CAMK2B: variants seen among roughly 807,000 people sequenced by gnomAD.
CAMK2B encodes calcium/calmodulin dependent protein kinase II beta, also known as calcium/calmodulin-dependent protein kinase type II subunit beta.
Under a neutral mutation model 93.7 loss-of-function variants are expected in CAMK2B, and 27 were observed. The observed-to-expected ratio is 0.29, with a 90% CI of 0.21 to 0.40. The LOEUF (loss-of-function observed/expected upper bound fraction) is 0.40. CAMK2B is among the 10% of genes least tolerant of loss of function. The probability of loss-of-function intolerance (pLI) is 1.00; values close to 1 mark genes in which losing one functional copy is unlikely to be tolerated. For missense variants in CAMK2B, 568 were observed against 895.8 expected, an observed-to-expected ratio of 0.63 and a Z score of 4.67; for synonymous variants, 374 against 358.8, an observed-to-expected ratio of 1.04 and a Z score of -0.48.
chr7:44,319,380 T>A (rs1170418211), intron 1 of CAMK2B, among the ~76,000 whole-genome samples: 1 of 152,202 alleles, frequency 6.6e-6, no homozygotes, highest in Non-Finnish European at 1.5e-5. Flanking sequence ...ATAGACTCTT[T>A]AAAGGCCAAT....
intron 4 of CAMK2B, among the ~76,000 whole-genome samples, chr7:44,256,471 T>C (rs1045345045): frequency 2.0e-5 from 3 of 152,232 alleles, no homozygotes; most frequent in South Asian, 2.1e-4. Flanking sequence ...GTGTGTGCCC[T>C]TGTGCACTTG....
intron 1 of CAMK2B, among the ~76,000 whole-genome samples, chr7:44,324,422 C>A (rs1254804705): frequency 6.6e-6 from 1 of 152,126 alleles, no homozygotes; most frequent in Non-Finnish European, 1.5e-5. Flanking sequence ...GAACGGGAGA[C>A]CCCAGGCCAG....
At chr7:44,285,452 C>T (rs904595820) in intron 1 of CAMK2B, among the ~76,000 whole-genome samples, 2 of 152,180 alleles carry the variant, frequency 1.3e-5, no homozygotes, top group Admixed American at 6.5e-5. Context: ...CTCCCCCCTA[C>T]AGGAACAGCC....
chr7:44,251,850 T>G (rs1217727590), intron 5 of CAMK2B, among the ~76,000 whole-genome samples: 1 of 152,174 alleles, frequency 6.6e-6, no homozygotes, highest in Non-Finnish European at 1.5e-5. Flanking sequence ...TTCTGGAACC[T>G]GAACAGCCCG....
intron 2 of CAMK2B, among the ~76,000 whole-genome samples, chr7:44,274,865 C>A (rs1462160630): frequency 1.3e-5 from 2 of 151,938 alleles, no homozygotes; most frequent in Non-Finnish European, 2.9e-5. Flanking sequence ...CTCCTGGAAC[C>A]GGCAGAGCCT....
chr7:44,324,712 C>A (rs1387533098), intron 1 of CAMK2B, among the ~76,000 whole-genome samples: 2 of 152,190 alleles, frequency 1.3e-5, no homozygotes, highest in East Asian at 3.9e-4. Flanking sequence ...ATCCCCATGA[C>A]CTGATCCAGG....
Position 44,242,274 on chromosome 7 carries a change from T to C in CAMK2B, c.763A>G (p.Ile255Val), listed in dbSNP as rs754258634. 1 of 1,613,902 alleles carries C rather than the reference T, an allele frequency of 6.2e-7. No individual in the cohort carries two copies. Among genetic ancestry groups the C allele is most frequent in the African/African-American group, 1.3e-5 (1 of 74,920 alleles). ...AKNLINQMLTINPAKRITAHE... is the reference protein window; with the variant it reads ...AKNLINQMLTVNPAKRITAHE... ...GCTGTGATGCGCTTGGCAGGGTTGA[T>C]GGTCAGCATCTGGTTGATGAGGTTT... The change falls in exon 10 of 24, where the codon ATC becomes GTC. Residue 255 changes from isoleucine (I) to valine (V), a missense_variant. Around this residue, in one of 4 missense-constraint regions of CAMK2B, gnomAD observed 105 missense variants for 372.4 expected, o/e 0.28. Coordinates refer to ENST00000395749, the MANE Select transcript of CAMK2B (RefSeq NM_001220.5).
chr7:44,222,065 C>G (rs1025693750), intron 20 of CAMK2B, among the ~76,000 whole-genome samples: 1 of 152,328 alleles, frequency 6.6e-6, no homozygotes, highest in South Asian at 2.1e-4. Flanking sequence ...TACGCAGGCA[C>G]GCACATACAT....
At chr7:44,242,456 T>C in intron 9 of CAMK2B, 104 bp downstream of exon 9, 2 of 1,514,214 alleles carry the variant, frequency 1.3e-6, no homozygotes, top group South Asian at 2.4e-5. Context: ...ACCCAGGACC[T>C]GGCCACAGGT....
chr7:44,229,290 GTCCAC>G, intron 18 of CAMK2B, 93 bp downstream of exon 18: 2 of 775,674 alleles, frequency 2.6e-6, no homozygotes, highest in East Asian at 5.7e-5. Flanking sequence ...TGGAGCCAGG[GTCCAC>G]GCTCAGCCTG....
intron 13 of CAMK2B, among the ~76,000 whole-genome samples, chr7:44,235,098 C>T (rs764282110): frequency 6.7e-6 from 1 of 148,476 alleles, no homozygotes; most frequent in African/African-American, 2.4e-5. Flanking sequence ...CATGCCCTCC[C>T]GGGCCCTGCC....
intron 2 of CAMK2B, among the ~76,000 whole-genome samples, chr7:44,264,779 G>A (rs1382185079): frequency 6.6e-6 from 1 of 152,210 alleles, no homozygotes; most frequent in African/African-American, 2.4e-5. Flanking sequence ...GATTTGTGAT[G>A]GCGGAACTGG....
Position 44,279,776 on chromosome 7 carries a change from A to G in CAMK2B, c.160+4355T>C, listed in dbSNP as rs114044383. On this transcript the variant is annotated intron_variant, in intron 2 of 23. Transcript: ENST00000395749. ...CTTCTGACTCATAGAGCACTTTGAG[A>G]ATATAAATAGGGGTTGTGAGGTTAA... 5.6e-3 allele frequency among the ~76,000 whole-genome samples: 852 copies of G among 152,248 alleles called. 12 individuals are homozygous for G. Among genetic ancestry groups the G allele is most frequent in the African/African-American group, 0.02 (813 of 41,484 alleles).
chr7:44,254,709 A>G, intron 4 of CAMK2B, 102 bp from the exon 5 acceptor site: 1 of 743,038 alleles, frequency 1.3e-6, no homozygotes, highest in South Asian at 1.5e-5. Flanking sequence ...TATCATCACC[A>G]TCACTCCCAT....
intron 19 of CAMK2B, 89 bp downstream of exon 19, chr7:44,228,707 G>A (rs548562147): frequency 3.4e-5 from 42 of 1,252,172 alleles, no homozygotes; most frequent in African/African-American, 6.2e-5. Flanking sequence ...TAGCTGGGCC[G>A]TGCATGCAGG....
chr7:44,251,629 C>T (rs1379871735), intron 5 of CAMK2B, among the ~76,000 whole-genome samples: 1 of 152,310 alleles, frequency 6.6e-6, no homozygotes, highest in South Asian at 2.1e-4. Context: ...GGCCGTGTGC[C>T]CCCTCGCTCC....
chr7:44,280,268 A>G lies in CAMK2B; in HGVS notation c.160+3863T>C, dbSNP rs149567903. ...GGCTGGCAGCACTGTGCTGCCCTGC[A>G]TGGGCCCACAGGTGTGGGCCTGGTA... On this transcript the variant is annotated intron_variant, in intron 2 of 23. Coordinates refer to ENST00000395749, the MANE Select transcript of CAMK2B (RefSeq NM_001220.5). Among the ~76,000 whole-genome samples the G allele has an allele frequency of 3.3e-3, 496 of 152,320 alleles. 2 individuals are homozygous for G. The highest frequency in any genetic ancestry group is 0.011 in the African/African-American group (471 of 41,582).
intron 1 of CAMK2B, among the ~76,000 whole-genome samples, chr7:44,309,883 G>A (rs1047355475): frequency 6.6e-6 from 1 of 152,244 alleles, no homozygotes; most frequent in Non-Finnish European, 1.5e-5. Flanking sequence ...CTTAAGAGCC[G>A]GTCACGCCCC....
In CAMK2B at chr7:44,247,159, G is replaced by A. The variant is rs755448751; in HGVS notation, c.375C>T (p.Leu125=). Residue 125 remains leucine (L), a synonymous_variant, in exon 6 of 24, where the codon CTC becomes CTT. Coordinates refer to ENST00000395749, the MANE Select transcript of CAMK2B (RefSeq NM_001220.5). The part of the protein sequence containing the change: ...HCIQQILEAV[L]HCHQMGVVHR... Reference sequence around the variant, plus strand: ...GGACGACCCCCATTTGGTGACAATGGAGAACGGCCTCCAGGATCTGCTGGA... The same window carrying A: ...GGACGACCCCCATTTGGTGACAATGAAGAACGGCCTCCAGGATCTGCTGGA... 1 of 1,614,136 alleles carries A rather than the reference G, an allele frequency of 6.2e-7. No individual in the cohort carries two copies.
Sources: allele counts gnomAD v4.1 joint callset (sites outside exome capture counted in the v4.1 genomes callset), GRCh38; gene constraint gnomAD v4.1.1; regional missense constraint gnomAD v4.1.1; transcripts MANE v1.5; gene names NCBI Gene and HGNC (gene_info 2026-07-23, HGNC 2026-07-21).